STPG2: variants seen among roughly 807,000 people sequenced by gnomAD.
The protein encoded by STPG2 is sperm tail PG-rich repeat containing 2.
In STPG2, 56 loss-of-function variants were observed where a neutral mutation model predicts 54.2. The observed-to-expected ratio is 1.03, with a 90% CI of 0.83 to 1.29. STPG2 has a LOEUF of 1.29. Ranked by LOEUF, STPG2 falls within the 50% of genes most tolerant of loss-of-function variation. STPG2 has a pLI of 0.00. For synonymous variants in STPG2, 200 were observed against 181.8 expected (o/e 1.10, Z -0.81); for missense variants, 596 against 544.9 (o/e 1.09, Z -0.93).
At chr4:98,057,965 G>A in intron 5 of STPG2, among the ~76,000 whole-genome samples, 1 of 152,160 alleles carries the variant, frequency 6.6e-6, no homozygotes, top group African/African-American at 2.4e-5. Context: ...AAGTTTCAAA[G>A]TGAAGAAGAA....
At chr4:97,933,006 T>C (rs149185342) in intron 8 of STPG2, among the ~76,000 whole-genome samples, 296 of 152,314 alleles carry the variant, frequency 1.9e-3, no homozygotes, top group African/African-American at 7.0e-3. Flanking sequence ...TGTTCCTATT[T>C]CTCCACAGTC....
chr4:97,961,681 G>T (rs1395040272), intron 7 of STPG2, among the ~76,000 whole-genome samples: 1 of 152,046 alleles, frequency 6.6e-6, no homozygotes, highest in African/African-American at 2.4e-5. Context: ...CTGCAAGAAT[G>T]GCCATAATCA....
chr4:97,867,148 T>C (rs1459531639), intron 8 of STPG2, among the ~76,000 whole-genome samples: 1 of 152,008 alleles, frequency 6.6e-6, no homozygotes, highest in Non-Finnish European at 1.5e-5. Flanking sequence ...TATGCTGTAA[T>C]AAACTTTCTG....
intron 4 of STPG2, among the ~76,000 whole-genome samples, chr4:97,456,895 A>AAAAAAAAAG (rs1729538817): frequency 6.7e-6 from 1 of 150,134 alleles, no homozygotes; most frequent in African/African-American, 2.5e-5. Flanking sequence ...CCGTCTCAAA[A>AAAAAAAAAG]AAAAAAAAAA....
At chr4:97,958,451 A>C (rs2149246097) in intron 7 of STPG2, among the ~76,000 whole-genome samples, 1 of 152,338 alleles carries the variant, frequency 6.6e-6, no homozygotes, top group East Asian at 1.9e-4. Context: ...GAATTGCAGA[A>C]GGAATAAGAA....
chr4:97,936,285 T>C (rs1732742267), intron 8 of STPG2, among the ~76,000 whole-genome samples: 1 of 152,200 alleles, frequency 6.6e-6, no homozygotes, highest in Non-Finnish European at 1.5e-5. Flanking sequence ...CTGCATGAGA[T>C]GTGTCTCTTG....
At chr4:98,119,395 T>G (rs1205658612) in intron 3 of STPG2, among the ~76,000 whole-genome samples, 1 of 152,004 alleles carries the variant, frequency 6.6e-6, no homozygotes, top group African/African-American at 2.4e-5. Context: ...AAAGTAAAGA[T>G]TAAAGAAGAC....
At chr4:97,448,059 G>T (rs1430562248) in intron 4 of STPG2, among the ~76,000 whole-genome samples, 1 of 152,154 alleles carries the variant, frequency 6.6e-6, no homozygotes. Flanking sequence ...GGAACTTTAG[G>T]ATTTAATCTC....
intron 10 of STPG2, among the ~76,000 whole-genome samples, chr4:97,685,722 T>C (rs933243190): frequency 6.6e-6 from 1 of 152,200 alleles, no homozygotes; most frequent in Non-Finnish European, 1.5e-5. Context: ...TGTTTTAATA[T>C]TGTTAATCAG....
chr4:97,957,170 A>T (rs1361201224), intron 7 of STPG2, among the ~76,000 whole-genome samples: 1 of 151,372 alleles, frequency 6.6e-6, no homozygotes, highest in Non-Finnish European at 1.5e-5. Context: ...TGAAATATAT[A>T]TGTGAAATAT....
chr4:98,070,910 A>C (rs1041091007), intron 5 of STPG2, among the ~76,000 whole-genome samples: 3 of 152,126 alleles, frequency 2.0e-5, no homozygotes, highest in African/African-American at 7.3e-5. Context: ...AGGAAGAATC[A>C]ATATCATGAA....
chr4:97,985,577 T>C (rs1374739590), intron 5 of STPG2, among the ~76,000 whole-genome samples: 1 of 152,348 alleles, frequency 6.6e-6, no homozygotes, highest in Non-Finnish European at 1.5e-5. Context: ...AAGTCTACTT[T>C]GTTAATTGTG....
chr4:97,654,584 G>A (rs1722167012), intron 10 of STPG2, among the ~76,000 whole-genome samples: 1 of 151,830 alleles, frequency 6.6e-6, no homozygotes, highest in Non-Finnish European at 1.5e-5. Context: ...CTAACCACAT[G>A]TTTGTTCACT....
intron 10 of STPG2, among the ~76,000 whole-genome samples, chr4:97,672,473 C>T (rs780793042): frequency 2.6e-5 from 4 of 152,012 alleles, no homozygotes; most frequent in African/African-American, 4.8e-5. Flanking sequence ...CCACCACGCC[C>T]GGTCACAAAC....
intron 4 of STPG2, among the ~76,000 whole-genome samples, chr4:97,533,213 T>C (rs1392992544): frequency 6.6e-6 from 1 of 152,072 alleles, no homozygotes; most frequent in East Asian, 1.9e-4. Context: ...AATTTAGAAA[T>C]ATAATTACAT....
intron 5 of STPG2, among the ~76,000 whole-genome samples, chr4:98,007,185 C>T (rs1735602464): frequency 6.6e-6 from 1 of 152,306 alleles, no homozygotes; most frequent in South Asian, 2.1e-4. Context: ...ACCTATTGCA[C>T]CACTGCAGCC....
intron 9 of STPG2, among the ~76,000 whole-genome samples, chr4:97,786,287 G>A (rs1325055240): frequency 1.3e-5 from 2 of 150,664 alleles, no homozygotes; most frequent in East Asian, 3.9e-4. Context: ...GCTTTCCAAT[G>A]TATAACATGG....
intron 10 of STPG2, among the ~76,000 whole-genome samples, chr4:97,582,024 T>C (rs1258785217): frequency 6.6e-6 from 1 of 152,048 alleles, no homozygotes; most frequent in Non-Finnish European, 1.5e-5. Context: ...ATTTTATAAC[T>C]ATTTTAAATA....
At chr4:97,643,163 A>G (rs1482736878) in intron 10 of STPG2, among the ~76,000 whole-genome samples, 1 of 151,656 alleles carries the variant, frequency 6.6e-6, no homozygotes, top group Non-Finnish European at 1.5e-5. Context: ...ATGTAACCTC[A>G]TGGAGCTTTT....
Sources: allele counts gnomAD v4.1 joint callset (sites outside exome capture counted in the v4.1 genomes callset), GRCh38; gene constraint gnomAD v4.1.1; transcripts MANE v1.5; gene names NCBI Gene and HGNC (gene_info 2026-07-23, HGNC 2026-07-21).